ARSG: variants seen among roughly 807,000 people sequenced by gnomAD.
ARSG encodes the protein arylsulfatase G, also known as ASG.
A neutral mutation model predicts 50.5 loss-of-function variants in ARSG; 37 were observed. The observed-to-expected ratio is 0.73, with a 90% CI of 0.56 to 0.96. The LOEUF (loss-of-function observed/expected upper bound fraction) is 0.96. Among genes scored for constraint, ARSG ranks in the 50% least tolerant of loss-of-function variants. The pLI, the probability that ARSG is intolerant of heterozygous loss-of-function variation, is 0.00. For synonymous variants in ARSG, 225 were observed against 254.6 expected (o/e 0.88, Z 1.11); for missense variants, 629 against 675.3 (o/e 0.93, Z 0.76).
intron 11 of ARSG, among the ~76,000 whole-genome samples, chr17:68,406,257 T>C (rs1423417041): frequency 6.6e-6 from 1 of 152,238 alleles, no homozygotes; most frequent in Admixed American, 6.5e-5. Context: ...TTCCATTATA[T>C]ATATATCACA....
chr17:68,286,526 A>C (rs1462131172), upstream of ARSG, among the ~76,000 whole-genome samples: 1 of 152,086 alleles, frequency 6.6e-6, no homozygotes, highest in Non-Finnish European at 1.5e-5. Context: ...TTTTTTTGAG[A>C]TGGAGTCTTG....
At chr17:68,298,699 G>A (rs537296664) in intron 1 of ARSG, among the ~76,000 whole-genome samples, 2 of 152,014 alleles carry the variant, frequency 1.3e-5, no homozygotes, top group East Asian at 3.9e-4. Flanking sequence ...TACAGTTCTG[G>A]AGGCTGGCCA....
At chr17:68,393,602 C>T (rs550476859) in intron 9 of ARSG, among the ~76,000 whole-genome samples, 1 of 152,230 alleles carries the variant, frequency 6.6e-6, no homozygotes, top group Admixed American at 6.5e-5. Context: ...TGCAGTGGCT[C>T]CTGCCTGTAA....
At position 68,367,747 on chromosome 17, in the gene ARSG, C is replaced by T. The variant is rs777611502; in HGVS notation, c.705-801C>T. On this transcript the variant is annotated intron_variant, in intron 6 of 11. Coordinates refer to ENST00000621439, the MANE Select transcript of ARSG (RefSeq NM_001267727.2). This position sits in a 1 kb window ranked among gnomAD's most constrained non-coding sequence, Gnocchi z 4.5. Reference sequence around the variant, plus strand: ...TATGTGTCCTTGAAATTCCTGTGATCAACTTGAGACAACCATTTATCTCTT... The same window carrying T: ...TATGTGTCCTTGAAATTCCTGTGATTAACTTGAGACAACCATTTATCTCTT... Among the ~76,000 whole-genome samples the T allele has an allele frequency of 1.3e-4, 20 of 152,110 alleles. No individual in the cohort carries two copies. Among genetic ancestry groups the T allele is most frequent in the Non-Finnish European group, 2.8e-4 (19 of 68,030 alleles).
chr17:68,343,162 G>GTTTTC (rs1481802001), intron 2 of ARSG, among the ~76,000 whole-genome samples: 2 of 151,792 alleles, frequency 1.3e-5, no homozygotes, highest in Non-Finnish European at 2.9e-5. Flanking sequence ...GTTTTGTTTT[G>GTTTTC]TTTTCTTTTT....
At chr17:68,272,581 A>T in intron 1 of ARSG, 1 of 1,589,516 alleles carries the variant, frequency 6.3e-7, no homozygotes, top group Non-Finnish European at 8.6e-7. Context: ...GCGTAGCAAG[A>T]ATACCTGAGT....
Position 68,369,310 on chromosome 17 carries a change from C to A in ARSG, c.901+566C>A, listed in dbSNP as rs369917929. ...ATAACAGCACTTTGGGAGGCTGAGG[C>A]AGGCGGATCACCTGAGGTCAGGAGT... On this transcript the variant is annotated intron_variant, in intron 7 of 11. Transcript: ENST00000621439. 1.3e-4 allele frequency among the ~76,000 whole-genome samples: 20 copies of A among 152,308 alleles called. No homozygotes were observed. The East Asian group carries it at 3.5e-3, about 26-fold the overall frequency.
chr17:68,430,104 G>A, the ARSG span: 1 of 1,614,056 alleles, frequency 6.2e-7, no homozygotes, highest in Non-Finnish European at 8.5e-7. Context: ...GTAGTTGGTA[G>A]CAGCCATAAA....
intron 5 of ARSG, among the ~76,000 whole-genome samples, chr17:68,352,992 T>G (rs2078870939): frequency 1.3e-5 from 2 of 152,130 alleles, no homozygotes; most frequent in South Asian, 4.1e-4. Context: ...TACAGTTGTC[T>G]GAGCCACTTG....
In ARSG at chr17:68,370,456, C is replaced by A; in HGVS notation, c.914C>A (p.Pro305Gln). Residue 305 changes from proline to glutamine, a missense_variant, in exon 8 of 12, where the codon CCG becomes CAG. Pro to Gln is a moderately conservative substitution (Grantham distance 76). Coordinates refer to ENST00000621439, the MANE Select transcript of ARSG (RefSeq NM_001267727.2). ...TFLWFTGDNGPWAQKCELAGS... is the reference protein window; with the variant it reads ...TFLWFTGDNGQWAQKCELAGS... ...TTCTGGTTTCTAGGAGACAATGGCC[C>A]GTGGGCTCAGAAGTGTGAGCTAGCG... 6.2e-7 allele frequency: 1 copy of A among 1,613,994 alleles called. No individual in the cohort carries two copies. Among genetic ancestry groups the A allele is most frequent in the Non-Finnish European group, 8.5e-7 (1 of 1,179,978 alleles).
intron 1 of ARSG, among the ~76,000 whole-genome samples, chr17:68,300,936 G>A (rs1252997047): frequency 6.6e-6 from 1 of 151,850 alleles, no homozygotes; most frequent in Non-Finnish European, 1.5e-5. Flanking sequence ...GGCTAACATG[G>A]TGAAACCCCG....
intron 2 of ARSG, among the ~76,000 whole-genome samples, chr17:68,333,896 T>C (rs764825864): frequency 6.6e-5 from 10 of 152,118 alleles, no homozygotes; most frequent in Non-Finnish European, 1.3e-4. Context: ...TGGGTCCTGG[T>C]GGTCCCAATA....
rs1276221915 is a variant in ARSG at position 68,367,012 on chromosome 17, T to C, written c.705-1536T>C. Among the ~76,000 whole-genome samples the C allele has an allele frequency of 2.6e-5, 4 of 152,224 alleles. No homozygotes were observed. Among genetic ancestry groups the C allele is most frequent in the Non-Finnish European group, 4.4e-5 (3 of 68,046 alleles). ...AATTATTTGTTTCTTGGTGACTGGA[T>C]TATTTCACTTAGCATAATATTTTCC... On this transcript the variant is annotated intron_variant, in intron 6 of 11. Coordinates refer to ENST00000621439, the MANE Select transcript of ARSG (RefSeq NM_001267727.2). This position sits in a 1 kb window ranked among gnomAD's most constrained non-coding sequence, Gnocchi z 4.5.
chr17:68,275,748 G>A (rs974582160), intron 1 of ARSG, among the ~76,000 whole-genome samples: 5 of 152,038 alleles, frequency 3.3e-5, no homozygotes, highest in African/African-American at 1.2e-4. Flanking sequence ...TTGGGAGGCC[G>A]AAGCAGGTGG....
intron 2 of ARSG, among the ~76,000 whole-genome samples, chr17:68,342,706 C>G (rs2146241233): frequency 6.6e-6 from 1 of 152,276 alleles, no homozygotes; most frequent in South Asian, 2.1e-4. Context: ...CCTTTGAGTG[C>G]TTAGGAACAC....
chr17:68,263,677 T>G (rs1397338384), intron 1 of ARSG, among the ~76,000 whole-genome samples: 7 of 152,028 alleles, frequency 4.6e-5, no homozygotes, highest in African/African-American at 1.2e-4. Flanking sequence ...CTTGAACTCC[T>G]GGGCTCAAGC....
downstream of ARSG, chr17:68,425,802 A>T: frequency 2.7e-6 from 1 of 368,804 alleles, no homozygotes; most frequent in Non-Finnish European, 4.9e-6. Flanking sequence ...AAGGGATCGC[A>T]GGCCTCTGGC....
chr17:68,334,759 C>T (rs73357903), intron 2 of ARSG, among the ~76,000 whole-genome samples: 2,665 of 152,144 alleles, frequency 0.018, 78 homozygotes, highest in African/African-American at 0.061. Flanking sequence ...GCCTCTGCAA[C>T]GTGATGGTCT....
At chr17:68,421,370 C>T (rs562391660), downstream of ARSG, 1 of 167,310 alleles carries the variant, frequency 6.0e-6, no homozygotes, top group Admixed American at 5.9e-5. Flanking sequence ...AAGACTTTGC[C>T]TGGCTAAAAG....
Sources: allele counts gnomAD v4.1 joint callset (sites outside exome capture counted in the v4.1 genomes callset), GRCh38; gene constraint gnomAD v4.1.1; non-coding constraint Gnocchi (gnomAD v3.1); transcripts MANE v1.5; gene names NCBI Gene and HGNC (gene_info 2026-07-23, HGNC 2026-07-21).